Variants in ANKRD17 observed in about 807,000 individuals in gnomAD.
ANKRD17 encodes the protein ankyrin repeat domain 17.
A neutral mutation model predicts 229.7 loss-of-function variants in ANKRD17; 19 were observed. That is an observed-to-expected ratio of 0.08 (90% CI 0.06 to 0.12). The LOEUF (loss-of-function observed/expected upper bound fraction) is 0.12, where lower values mean the gene tolerates loss of function less well. Ranked by LOEUF, ANKRD17 falls within the 10% of genes least tolerant of loss-of-function variation. The pLI is 1.00. For missense variants in ANKRD17, 2,176 were observed against 3,176.8 expected, an observed-to-expected ratio of 0.68 and a Z score of 7.57; for synonymous variants, 1,112 against 1,146.1, an observed-to-expected ratio of 0.97 and a Z score of 0.60.
rs537592230 is a variant in ANKRD17, at chr4:73,118,748, A to T, written c.4128T>A (p.Gly1376=). ...GGTTATCTGCTGCATCCACATCTGC[A>T]CCTGCTTGCACCAGTAACTGAACCA... ...LDVVQLLVQA[G]ADVDAADNRK... The change falls in exon 22 of 34, where the codon GGT becomes GGA. Residue 1376 remains glycine (G), a synonymous_variant. Coordinates refer to ENST00000358602, the MANE Select transcript of ANKRD17 (RefSeq NM_032217.5). 1 of 1,614,104 alleles carries T rather than the reference A, an allele frequency of 6.2e-7. No homozygotes were observed. The highest frequency in any genetic ancestry group is 1.1e-5 in the South Asian group (1 of 91,078).
At chr4:73,183,808 C>T (rs1179013037) in intron 1 of ANKRD17, among the ~76,000 whole-genome samples, 1 of 152,058 alleles carries the variant, frequency 6.6e-6, no homozygotes, top group East Asian at 1.9e-4. Context: ...TTTGTTCATG[C>T]TAAGTCCTTT....
rs112378482 is a variant in ANKRD17, at chr4:73,174,808, T to G, written c.547+2572A>C. On this transcript the variant is annotated intron_variant, in intron 2 of 33. Coordinates refer to ENST00000358602, the MANE Select transcript of ANKRD17 (RefSeq NM_032217.5). Reference sequence around the variant, plus strand: ...CAATCTGAAAAACAAATCAAGAAACTAATGCCATTTACAATAGCTACAAAT... The same window carrying G: ...CAATCTGAAAAACAAATCAAGAAACGAATGCCATTTACAATAGCTACAAAT... 6.5e-3 allele frequency among the ~76,000 whole-genome samples: 996 copies of G among 152,198 alleles called. 3 individuals are homozygous for G. The highest frequency in any genetic ancestry group is 0.02 in the Middle Eastern group (6 of 294).
chr4:73,167,491 C>T (rs1733391203), intron 2 of ANKRD17, among the ~76,000 whole-genome samples: 1 of 152,208 alleles, frequency 6.6e-6, no homozygotes, highest in East Asian at 1.9e-4. Context: ...ATCTTTGAAT[C>T]TTCTTGTGCC....
intron 1 of ANKRD17, among the ~76,000 whole-genome samples, chr4:73,212,155 G>A (rs1166239422): frequency 3.9e-5 from 6 of 152,000 alleles, no homozygotes; most frequent in Admixed American, 6.6e-5. Flanking sequence ...AGAGGGTGGC[G>A]ATTCTTTCAC....
chr4:73,220,214 G>A (rs1215547988), intron 1 of ANKRD17, among the ~76,000 whole-genome samples: 1 of 152,106 alleles, frequency 6.6e-6, no homozygotes, highest in South Asian at 2.1e-4. Context: ...AACATAAACA[G>A]AACAAGAAAA....
chr4:73,209,475 A>G (rs1354399130), intron 1 of ANKRD17, among the ~76,000 whole-genome samples: 8 of 152,176 alleles, frequency 5.3e-5, no homozygotes, highest in Non-Finnish European at 1.2e-4. Flanking sequence ...AAACAGCCCT[A>G]TATCTACTAA....
At position 73,140,128 on chromosome 4, in the gene ANKRD17, C is replaced by T; in HGVS notation, c.2488G>A (p.Ala830Thr). 2 of 1,614,156 alleles carry T rather than the reference C, an allele frequency of 1.2e-6. No individual in the cohort carries two copies. The highest frequency in any genetic ancestry group is 1.7e-6 in the Non-Finnish European group (2 of 1,180,030). ...GCCAGTTCCAAGGACTGCAGCTGTG[C>T]ATTCTTTTCTATGGCTTCTTTTATC... ...QRIKEAIEKN[A>T]QLQSLELAHA... The change falls in exon 15 of 34, where the codon GCA (alanine) becomes ACA (threonine). Residue 830 changes from alanine (A) to threonine (T), a missense_variant. Transcript: ENST00000358602.
intron 7 of ANKRD17, 112 bp downstream of exon 7, chr4:73,151,318 A>G (rs1730980515): frequency 4.5e-6 from 4 of 892,606 alleles, no homozygotes; most frequent in Non-Finnish European, 6.8e-6. Context: ...CTGATTCAAT[A>G]AGGTTCTGAC....
In ANKRD17 at chr4:73,230,424, A is replaced by T. The variant is rs111891850; in HGVS notation, c.393+27852T>A. 2.4e-3 allele frequency among the ~76,000 whole-genome samples: 368 copies of T among 152,248 alleles called. 2 individuals are homozygous for T. The highest frequency in any genetic ancestry group is 0.016 in the South Asian group (77 of 4,828). ...CATTAGCATTTTGATCATTCATTTA[A>T]ACAAACATTTACTGAGTACTTACTA... On this transcript the variant is annotated intron_variant, in intron 1 of 33. Coordinates refer to ENST00000358602, the MANE Select transcript of ANKRD17 (RefSeq NM_032217.5).
At position 73,180,842 on chromosome 4, in the gene ANKRD17, A is replaced by G. The variant is rs916853810; in HGVS notation, c.394-3309T>C. Among the ~76,000 whole-genome samples the G allele has an allele frequency of 2.6e-4, 39 of 152,200 alleles. 1 individual carries two copies. The highest frequency in any genetic ancestry group is 7.0e-4 in the African/African-American group (29 of 41,468). ...AACCAAGTCTCTCTCTCAGCCATCT[A>G]TAACTTTAGACCCCCAATTCTGCTT... On this transcript the variant is annotated intron_variant, in intron 1 of 33. Transcript: ENST00000358602.
chr4:73,256,890 C>G (rs369083892), intron 1 of ANKRD17, among the ~76,000 whole-genome samples: 1 of 152,320 alleles, frequency 6.6e-6, no homozygotes, highest in Admixed American at 6.5e-5. Flanking sequence ...TACTTCAGCA[C>G]TTAATATCTC....
chr4:73,211,401 T>C (rs752665562), intron 1 of ANKRD17, among the ~76,000 whole-genome samples: 7 of 152,172 alleles, frequency 4.6e-5, no homozygotes, highest in Non-Finnish European at 1.0e-4. Context: ...AGTCATATAA[T>C]GTATAGTTCA....
chr4:73,075,556 T>A lies in ANKRD17; in HGVS notation c.*675A>T, dbSNP rs1720942297. On this transcript the variant is annotated 3_prime_UTR_variant, in exon 34 of 34. Coordinates refer to ENST00000358602, the MANE Select transcript of ANKRD17 (RefSeq NM_032217.5). Reference sequence around the variant, plus strand: ...ACATGGAAAAGCCAGAAATTTCTTCTTCTATATGTGCCTTGCTACAAATAA... The same window carrying A: ...ACATGGAAAAGCCAGAAATTTCTTCATCTATATGTGCCTTGCTACAAATAA... 2 of 152,590 alleles carry A rather than the reference T, an allele frequency of 1.3e-5. No individual in the cohort carries two copies. Among genetic ancestry groups the A allele is most frequent in the South Asian group, 2.1e-4 (1 of 4,836 alleles). The allele number at this position is 152,590 out of a possible 1,614,324, so 9.5% of individuals were successfully genotyped here.
intron 1 of ANKRD17, among the ~76,000 whole-genome samples, chr4:73,229,189 G>A (rs530637283): frequency 1.2e-3 from 177 of 152,222 alleles, no homozygotes; most frequent in African/African-American, 4.0e-3. Context: ...TGTAAATGAC[G>A]AGTTAATGGG....
At position 73,163,074 on chromosome 4, in the gene ANKRD17, C is replaced by A. The variant is rs113973635; in HGVS notation, c.548-1726G>T. Among the ~76,000 whole-genome samples, 1,202 of 151,508 alleles carry A rather than the reference C, an allele frequency of 7.9e-3. 18 individuals are homozygous for A. Among genetic ancestry groups the A allele is most frequent in the African/African-American group, 0.027 (1,128 of 41,226 alleles). ...AGAGACAGGGTCTCACTATGTTGCC[C>A]AAGCTGGTCTTGAACTCCTAGTTTA... On this transcript the variant is annotated intron_variant, in intron 2 of 33. Transcript: ENST00000358602.
intron 16 of ANKRD17, among the ~76,000 whole-genome samples, chr4:73,134,582 T>TC (rs1355652155): frequency 1.3e-5 from 2 of 151,954 alleles, no homozygotes; most frequent in African/African-American, 2.4e-5. Context: ...AACAGTGTCC[T>TC]CCCCCCACTC....
At chr4:73,175,900 G>T (rs2148986770) in intron 2 of ANKRD17, among the ~76,000 whole-genome samples, 1 of 151,786 alleles carries the variant, frequency 6.6e-6, no homozygotes, top group Non-Finnish European at 1.5e-5. Context: ...AATGGGCAAA[G>T]ATTTCTTGAG....
intron 2 of ANKRD17, among the ~76,000 whole-genome samples, chr4:73,170,210 G>A (rs1405368293): frequency 6.6e-6 from 1 of 151,902 alleles, no homozygotes; most frequent in Non-Finnish European, 1.5e-5. Context: ...AGACAACTTG[G>A]TCTTGCATCT....
Position 73,135,121 on chromosome 4 carries a change from G to A in ANKRD17, c.3230C>T (p.Ala1077Val). The stretch of plus-strand genomic sequence containing the variant: ...TCTCTTAAGTTTGGGACTTACCTGT[G>A]CATCAATATCAATGGCAGGGTAGAT... ...LPIYPAIDID[A>V]QTESNHDTAL... Residue 1077 changes from alanine to valine, a missense_variant, in exon 16 of 34, where the codon GCA becomes GTA. Coordinates refer to ENST00000358602, the MANE Select transcript of ANKRD17 (RefSeq NM_032217.5). The A allele has an allele frequency of 6.2e-7, 1 of 1,612,898 alleles. No individual in the cohort carries two copies. Among genetic ancestry groups the A allele is most frequent in the Non-Finnish European group, 8.5e-7 (1 of 1,179,234 alleles).
Sources: gnomAD v4.1 joint callset for allele counts (sites outside exome capture counted in the v4.1 genomes callset) on GRCh38, gnomAD v4.1.1 for gene constraint, MANE v1.5 for transcripts, NCBI Gene and HGNC (gene_info 2026-07-23, HGNC 2026-07-21) for gene names.